CIITA: variants seen among roughly 807,000 people sequenced by gnomAD.
CIITA encodes the protein class II major histocompatibility complex transactivator, also known as MHC class II transactivator.
A neutral mutation model predicts 115.1 loss-of-function variants in CIITA; 72 were observed. That is an observed-to-expected ratio of 0.63 (90% CI 0.52 to 0.76). The LOEUF (loss-of-function observed/expected upper bound fraction) is 0.76. Ranked by LOEUF, CIITA falls within the 30% of genes least tolerant of loss-of-function variation. The pLI is 0.00. For synonymous variants in CIITA, 763 were observed against 635.6 expected (o/e 1.20, Z -3.02); for missense variants, 1,617 against 1,463.8 (o/e 1.10, Z -1.71).
intron 1 of CIITA, among the ~76,000 whole-genome samples, chr16:10,885,618 A>G (rs907084104): frequency 1.2e-4 from 18 of 152,108 alleles, no homozygotes; most frequent in Admixed American, 9.8e-4. Context: ...CTGGAGAGTG[A>G]GGGGCTTCTT....
chr16:10,885,813 G>A (rs577625776), intron 1 of CIITA, among the ~76,000 whole-genome samples: 1 of 152,216 alleles, frequency 6.6e-6, no homozygotes, highest in South Asian at 2.1e-4. Context: ...CCTATTGTTG[G>A]TGAGCCATAG....
chr16:10,900,351 C>T (rs60510692), intron 5 of CIITA, among the ~76,000 whole-genome samples: 13,887 of 152,232 alleles, frequency 0.091, 696 homozygotes, highest in African/African-American at 0.1. Context: ...GGAGAGGACA[C>T]GGTCCTATCT....
At chr16:10,875,316 G>A (rs1333060903), upstream of CIITA, among the ~76,000 whole-genome samples, 4 of 152,140 alleles carry the variant, frequency 2.6e-5, no homozygotes, top group Admixed American at 1.3e-4. Context: ...AAGCAAGGCT[G>A]TTTCAAATTG....
Position 10,935,217 on chromosome 16 carries a change from G to C in CIITA, c.*11362G>C, listed in dbSNP as rs2040978352. 1 of 152,246 alleles carries C rather than the reference G, an allele frequency of 6.6e-6. No individual in the cohort carries two copies. The allele number at this position is 152,246 out of a possible 1,614,324, so 9.4% of individuals were successfully genotyped here. A position where few individuals can be genotyped will look rare whatever the true frequency, so the allele number is the denominator to read the frequency against. ...GCAAAGCATGTAAGTAACAATTTTA[G>C]AGGGTATACGGAGGTGACCCTAAGT... On this transcript the variant is annotated 3_prime_UTR_variant, in exon 20 of 20. Transcript: ENST00000324288.
At position 10,877,239 on chromosome 16, in the gene CIITA, C is replaced by G; in HGVS notation, c.-92C>G. The G allele has an allele frequency of 1.8e-6, 2 of 1,125,752 alleles. No individual in the cohort carries two copies. The highest frequency in any genetic ancestry group is 2.6e-5 in the South Asian group (2 of 76,170). 69.7% of individuals were successfully genotyped at this position (1,125,752 alleles called of 1,614,324 possible). A position where few individuals can be genotyped will look rare whatever the true frequency, so the allele number is the denominator to read the frequency against. ...AGTGATGAGGCTGTGTGCTTCTGAG[C>G]TGGGCATCCGAAGGCATCCTTGGGG... is the stretch of plus-strand genomic sequence containing the variant. On this transcript the variant is annotated 5_prime_UTR_variant, in exon 1 of 20. Coordinates refer to ENST00000324288, the MANE Select transcript of CIITA (RefSeq NM_000246.4).
intron 11 of CIITA, 52 bp downstream of exon 11, chr16:10,908,201 G>A (rs777586065): frequency 1.2e-4 from 192 of 1,546,514 alleles, no homozygotes; most frequent in Middle Eastern, 1.7e-4. Context: ...CATTAACTGC[G>A]GTCTTGGTGC....
At chr16:10,897,406 C>G (rs1418368693) in intron 3 of CIITA, among the ~76,000 whole-genome samples, 1 of 152,180 alleles carries the variant, frequency 6.6e-6, no homozygotes, top group African/African-American at 2.4e-5. Context: ...ACGGATTAAC[C>G]CATTCATCAA....
rs149956911 is a variant in CIITA at position 10,920,677 on chromosome 16, A to G, written c.3150-1490A>G. Among the ~76,000 whole-genome samples the G allele has an allele frequency of 2.0e-3, 303 of 152,302 alleles. 1 individual carries two copies. The highest frequency in any genetic ancestry group is 3.7e-3 in the Non-Finnish European group (250 of 68,028). On this transcript the variant is annotated intron_variant, in intron 16 of 19. Transcript: ENST00000324288. The surrounding 1 kb of genome is among the most constrained non-coding windows in gnomAD (Gnocchi z 4.5). Reference sequence around the variant, plus strand: ...TAAGACACATCCTGATCTCAATGATATTCAAATGGTGACATATATGTCTTG... The same window carrying G: ...TAAGACACATCCTGATCTCAATGATGTTCAAATGGTGACATATATGTCTTG...
chr16:10,938,958 C>T (rs540226552), downstream of CIITA: 5 of 152,310 alleles, frequency 3.3e-5, no homozygotes, highest in Admixed American at 2.0e-4. This position sits in a 1 kb window ranked among gnomAD's most constrained non-coding sequence, Gnocchi z 4.9. Context: ...TAAAATAAGA[C>T]GTTCCTCACC....
Position 10,929,211 on chromosome 16 carries a change from A to G in CIITA, c.*5356A>G, listed in dbSNP as rs1307633072. The G allele has an allele frequency of 1.0e-6, 1 of 985,706 alleles. No homozygotes were observed. Among genetic ancestry groups the G allele is most frequent in the African/African-American group, 1.7e-5 (1 of 57,228 alleles). 61.1% of individuals were successfully genotyped at this position (985,706 alleles called of 1,614,324 possible). On this transcript the variant is annotated 3_prime_UTR_variant, in exon 20 of 20. Transcript: ENST00000324288. The surrounding 1 kb of genome is among the most constrained non-coding windows in gnomAD (Gnocchi z 4.3). ...TAAACCCAGCTGGCCTGAAGGCTCA[A>G]CTCACATCAAACGGAGCTGGGAGTC...
At chr16:10,916,814 A>T in intron 15 of CIITA, 1 of 397,936 alleles carries the variant, frequency 2.5e-6, no homozygotes, top group South Asian at 2.8e-5. Context: ...TCACTCAATC[A>T]TTTCTTTACT....
At chr16:10,918,898 T>C (rs1381036497) in intron 16 of CIITA, among the ~76,000 whole-genome samples, 1 of 152,204 alleles carries the variant, frequency 6.6e-6, no homozygotes. Context: ...TTGCCGGCCT[T>C]GTCACTTACA....
Position 10,908,444 on chromosome 16 carries a change from A to G in CIITA, c.2657+295A>G, listed in dbSNP as rs543648655. The G allele has an allele frequency of 1.8e-4, 99 of 535,294 alleles. 3 individuals carry two copies. The South Asian group carries it at 1.9e-3, about 10-fold the overall frequency. The allele number at this position is 535,294 out of a possible 1,614,324, so 33.2% of individuals were successfully genotyped here. A position where few individuals can be genotyped will look rare whatever the true frequency, so the allele number is the denominator to read the frequency against. On this transcript the variant is annotated intron_variant, in intron 11 of 19. Transcript: ENST00000324288. Reference sequence around the variant, plus strand: ...ACTGACCTGGGCTCAAATTTGTTTTATTCTTTCCACCCCCTGAGCACGCCA... The same window carrying G: ...ACTGACCTGGGCTCAAATTTGTTTTGTTCTTTCCACCCCCTGAGCACGCCA...
Position 10,942,439 on chromosome 16 carries a change from G to A in CIITA, n.1565G>A, listed in dbSNP as rs6498136. 0.52 allele frequency: 79,032 copies of A among 153,256 alleles called. 21,646 individuals are homozygous for A. Among genetic ancestry groups the A allele is most frequent in the East Asian group, 0.7 (3,573 of 5,120 alleles). The allele number at this position is 153,256 out of a possible 1,614,324, so 9.5% of individuals were successfully genotyped here. A position where few individuals can be genotyped will look rare whatever the true frequency, so the allele number is the denominator to read the frequency against. On this transcript the variant is annotated non_coding_transcript_exon_variant, in exon 2 of 2. Coordinates refer to the CIITA transcript ENST00000573379. The surrounding 1 kb of genome is among the most constrained non-coding windows in gnomAD (Gnocchi z 5.0). ...CCGCAGGCCCAGCACCCATGGCTGC[G>A]GCCGCCGCGTAGCCCTCCCGGTGGC...
chr16:10,913,266 C>T (rs923282688), intron 13 of CIITA, among the ~76,000 whole-genome samples: 1 of 89,034 alleles, frequency 1.1e-5, no homozygotes, highest in Non-Finnish European at 2.7e-5. Flanking sequence ...TTCTTTCTTT[C>T]TTTCCCTCCT....
chr16:10,910,152 G>A (rs772815098), intron 12 of CIITA, 36 bp from the exon 13 acceptor site: 9 of 1,592,704 alleles, frequency 5.7e-6, no homozygotes, highest in South Asian at 4.4e-5. Flanking sequence ...AGTGACAGCA[G>A]TGCCTGCTCC....
chr16:10,905,468 T>A (rs1011519550), intron 10 of CIITA, among the ~76,000 whole-genome samples: 14 of 151,872 alleles, frequency 9.2e-5, no homozygotes, highest in African/African-American at 2.9e-4. Context: ...AATGAAGGAA[T>A]GAGAAAAGAT....
rs1460826729 is a variant in CIITA at position 10,907,597 on chromosome 16, C to T, written c.2105C>T (p.Ala702Val). Residue 702 changes from alanine to valine, a missense_variant, in exon 11 of 20, where the codon GCA becomes GTA. Physicochemically the swap from Ala to Val is moderately conservative, Grantham distance 64 (BLOSUM62 0). Transcript: ENST00000324288. This position sits in a 1 kb window ranked among gnomAD's most constrained non-coding sequence, Gnocchi z 5.0. ...TTAGTCCAACACCCACCGCGGGCCG[C>T]AGAGTCCGAGCTGGCCTTCCCCAGC... ...KGLVQHPPRA[A>V]ESELAFPSFL... is the part of the protein sequence containing the mutation. 1 of 1,614,228 alleles carries T rather than the reference C, an allele frequency of 6.2e-7. No individual in the cohort carries two copies. The highest frequency in any genetic ancestry group is 8.5e-7 in the Non-Finnish European group (1 of 1,180,034).
intron 3 of CIITA, among the ~76,000 whole-genome samples, chr16:10,898,262 C>T (rs1197216204): frequency 6.6e-6 from 1 of 152,116 alleles, no homozygotes; most frequent in Non-Finnish European, 1.5e-5. Context: ...CTCTAATTAT[C>T]ACCATCGATT....
Sources: gnomAD v4.1 joint callset for allele counts (sites outside exome capture counted in the v4.1 genomes callset) on GRCh38, gnomAD v4.1.1 for gene constraint, Gnocchi (gnomAD v3.1) non-coding constraint, MANE v1.5 for transcripts, NCBI Gene and HGNC (gene_info 2026-07-23, HGNC 2026-07-21) for gene names.